MACROD2: variants seen among roughly 807,000 people sequenced by gnomAD.
The protein encoded by MACROD2 is mono-ADP ribosylhydrolase 2.
A neutral mutation model predicts 70.4 loss-of-function variants in MACROD2; 36 were observed. The observed-to-expected ratio is 0.51, with a 90% CI of 0.39 to 0.68. The LOEUF (loss-of-function observed/expected upper bound fraction) is 0.68, where lower values mean the gene tolerates loss of function less well. Ranked by LOEUF, MACROD2 falls within the 30% of genes least tolerant of loss-of-function variation. MACROD2 has a pLI of 0.00. For missense variants in MACROD2, 496 were observed against 538.4 expected (o/e 0.92, Z 0.78); for synonymous variants, 172 against 178.8 (o/e 0.96, Z 0.30).
intron 4 of MACROD2, among the ~76,000 whole-genome samples, chr20:14,660,494 A>T (rs953618841): frequency 5.3e-5 from 8 of 152,210 alleles, no homozygotes; most frequent in African/African-American, 1.9e-4. Flanking sequence ...TATGCTAGGC[A>T]TATATATACA....
At chr20:15,233,983 T>TTATTTTTATA in intron 6 of MACROD2, among the ~76,000 whole-genome samples, 1 of 44,004 alleles carries the variant, frequency 2.3e-5, no homozygotes, top group African/African-American at 9.0e-5. Context: ...ATATATTTAT[T>TTATTTTTATA]TATATATATA....
At chr20:15,395,423 C>A (rs1253750148) in intron 6 of MACROD2, among the ~76,000 whole-genome samples, 1 of 152,072 alleles carries the variant, frequency 6.6e-6, no homozygotes, top group African/African-American at 2.4e-5. Flanking sequence ...TATATTAATT[C>A]ATTCATTTAC....
At chr20:14,711,738 A>G (rs2123663662) in intron 5 of MACROD2, among the ~76,000 whole-genome samples, 1 of 152,222 alleles carries the variant, frequency 6.6e-6, no homozygotes, top group Non-Finnish European at 1.5e-5. Context: ...AGTATTTCCA[A>G]TTGACTTATA....
intron 7 of MACROD2, among the ~76,000 whole-genome samples, chr20:15,461,008 T>TATATA (rs1568825308): frequency 4.7e-4 from 32 of 67,654 alleles, no homozygotes; most frequent in African/African-American, 1.3e-3. Flanking sequence ...ATATATATAT[T>TATATA]TTTTTTTAAT....
intron 3 of MACROD2, among the ~76,000 whole-genome samples, chr20:14,089,122 G>A (rs1280865006): frequency 2.0e-5 from 3 of 152,128 alleles, no homozygotes; most frequent in African/African-American, 7.2e-5. Context: ...CTCCCAAAAC[G>A]ATTTGGTAAT....
At chr20:15,431,218 C>T (rs2046359926) in intron 6 of MACROD2, among the ~76,000 whole-genome samples, 187 bp from the exon 7 acceptor site, 1 of 152,002 alleles carries the variant, frequency 6.6e-6, no homozygotes, top group Non-Finnish European at 1.5e-5. Context: ...GCTGATGTAA[C>T]TGCTGATAGG....
chr20:15,334,847 A>G (rs2078031486), intron 6 of MACROD2, among the ~76,000 whole-genome samples: 2 of 151,796 alleles, frequency 1.3e-5, no homozygotes, highest in South Asian at 2.1e-4. Flanking sequence ...GATTAGAAAC[A>G]TGATCAGCTT....
chr20:15,639,559 C>G (rs2049422570), intron 8 of MACROD2, among the ~76,000 whole-genome samples: 1 of 152,144 alleles, frequency 6.6e-6, no homozygotes, highest in Non-Finnish European at 1.5e-5. Flanking sequence ...CCTGCAGAGC[C>G]AGGCACAGAT....
intron 5 of MACROD2, among the ~76,000 whole-genome samples, chr20:14,998,495 A>T (rs1395094389): frequency 6.6e-6 from 1 of 152,222 alleles, no homozygotes; most frequent in African/African-American, 2.4e-5. Context: ...AGAATTCACC[A>T]GAGTCTCTCA....
chr20:15,632,789 C>T (rs1389100914), intron 8 of MACROD2, among the ~76,000 whole-genome samples: 1 of 151,854 alleles, frequency 6.6e-6, no homozygotes, highest in Non-Finnish European at 1.5e-5. Context: ...CGTTCTCCTT[C>T]CTTCCCTCCT....
At chr20:15,371,267 A>G (rs768607409) in intron 6 of MACROD2, among the ~76,000 whole-genome samples, 1 of 152,262 alleles carries the variant, frequency 6.6e-6, no homozygotes, top group Non-Finnish European at 1.5e-5. Context: ...CTTTCAGTAT[A>G]AGATATTAAA....
intron 5 of MACROD2, among the ~76,000 whole-genome samples, chr20:14,751,470 C>T (rs1034388811): frequency 2.0e-5 from 3 of 152,090 alleles, no homozygotes; most frequent in South Asian, 2.1e-4. Flanking sequence ...AATTAGTGAC[C>T]GACATCCTTA....
At chr20:14,766,680 A>G (rs370582517) in intron 5 of MACROD2, among the ~76,000 whole-genome samples, 13 of 152,288 alleles carry the variant, frequency 8.5e-5, no homozygotes, top group African/African-American at 2.9e-4. Flanking sequence ...AACATATTCA[A>G]AATGACTGTG....
chr20:15,543,103 G>A (rs2047979807), intron 8 of MACROD2, among the ~76,000 whole-genome samples: 1 of 152,172 alleles, frequency 6.6e-6, no homozygotes, highest in South Asian at 2.1e-4. Context: ...CTTTTCTGGA[G>A]CTTCCCGGAA....
intron 5 of MACROD2, among the ~76,000 whole-genome samples, chr20:14,832,034 G>GT (rs1180071947): frequency 0.12 from 7,706 of 63,726 alleles, 1,884 homozygotes; most frequent in African/African-American, 0.18. Flanking sequence ...GCCTTTGCGA[G>GT]TTTTTTTTTT....
At chr20:15,673,866 C>T (rs1445268162) in intron 8 of MACROD2, among the ~76,000 whole-genome samples, 3 of 151,644 alleles carry the variant, frequency 2.0e-5, no homozygotes, top group African/African-American at 7.3e-5. Context: ...TGTTCCACGT[C>T]TGCCCTGTCC....
chr20:14,932,190 G>A (rs112761086), intron 5 of MACROD2, among the ~76,000 whole-genome samples: 2 of 152,218 alleles, frequency 1.3e-5, no homozygotes, highest in African/African-American at 4.8e-5. Flanking sequence ...CTTGAGAGAA[G>A]GGAGTTGCTG....
intron 6 of MACROD2, among the ~76,000 whole-genome samples, chr20:15,391,733 A>C (rs969336769): frequency 1.3e-5 from 2 of 152,198 alleles, no homozygotes; most frequent in African/African-American, 4.8e-5. Context: ...GAAACTATGT[A>C]GAATTGTCTG....
chr20:14,912,554 GACC>G, intron 5 of MACROD2, among the ~76,000 whole-genome samples: 1 of 152,194 alleles, frequency 6.6e-6, no homozygotes, highest in South Asian at 2.1e-4. Flanking sequence ...CACAGTAAGA[GACC>G]AATAAAGAAG....
Sources: gnomAD v4.1 joint callset for allele counts (sites outside exome capture counted in the v4.1 genomes callset) on GRCh38, gnomAD v4.1.1 for gene constraint, MANE v1.5 for transcripts, NCBI Gene and HGNC (gene_info 2026-07-23, HGNC 2026-07-21) for gene names.